BICC1: variants seen among roughly 807,000 people sequenced by gnomAD.
BICC1 encodes the protein protein bicaudal C homolog 1.
A neutral mutation model predicts 111.0 loss-of-function variants in BICC1; 43 were observed. That is an observed-to-expected ratio of 0.39 (90% CI 0.30 to 0.50). The LOEUF (loss-of-function observed/expected upper bound fraction) is 0.50. BICC1 is among the 20% of genes least tolerant of loss of function. The pLI, the probability that BICC1 is intolerant of heterozygous loss-of-function variation, is 0.88. For missense variants in BICC1, 1,091 were observed against 1,203.2 expected (o/e 0.91, Z 1.38); for synonymous variants, 467 against 434.4 (o/e 1.07, Z -0.93).
At chr10:58,753,664 A>C (rs1315742898) in intron 3 of BICC1, among the ~76,000 whole-genome samples, 2 of 151,810 alleles carry the variant, frequency 1.3e-5, no homozygotes, top group African/African-American at 4.8e-5. Flanking sequence ...GCCACTTGTT[A>C]GCTAAGTTGG....
intron 1 of BICC1, among the ~76,000 whole-genome samples, chr10:58,615,138 C>A (rs2393455): frequency 0.49 from 74,478 of 151,656 alleles, 19,328 homozygotes; most frequent in Admixed American, 0.64. Flanking sequence ...TGGGTGTTCG[C>A]TTTAGCTAGG....
At chr10:58,607,068 G>A (rs1012254756) in intron 1 of BICC1, among the ~76,000 whole-genome samples, 8 of 152,060 alleles carry the variant, frequency 5.3e-5, no homozygotes, top group African/African-American at 1.7e-4. Flanking sequence ...TGTAATTCCA[G>A]CACTTTGGGA....
chr10:58,743,355 A>G (rs1316347990), intron 3 of BICC1, among the ~76,000 whole-genome samples: 4 of 152,058 alleles, frequency 2.6e-5, no homozygotes, highest in South Asian at 2.1e-4. Context: ...TTTATCTTGT[A>G]GGCCAATGAA....
intron 2 of BICC1, among the ~76,000 whole-genome samples, chr10:58,656,248 A>G (rs1564535106): frequency 6.6e-6 from 1 of 151,540 alleles, no homozygotes; most frequent in African/African-American, 2.4e-5. Flanking sequence ...AGATGGATTC[A>G]CAGCCGAATT....
chr10:58,695,554 T>G (rs539507478), intron 2 of BICC1, among the ~76,000 whole-genome samples: 1 of 152,298 alleles, frequency 6.6e-6, no homozygotes, highest in African/African-American at 2.4e-5. Flanking sequence ...GGTCCAAGAA[T>G]AAATATTTTT....
chr10:58,732,379 GTATATATATA>G (rs1163026692), intron 3 of BICC1, among the ~76,000 whole-genome samples: 29 of 75,776 alleles, frequency 3.8e-4, no homozygotes, highest in African/African-American at 1.1e-3. Flanking sequence ...GTGTGTGTAT[GTATATATATA>G]TATATATATA....
chr10:58,718,896 GT>G (rs1840848782), intron 3 of BICC1, among the ~76,000 whole-genome samples: 1 of 152,148 alleles, frequency 6.6e-6, no homozygotes, highest in Admixed American at 6.5e-5. Flanking sequence ...TTTTCTTGGT[GT>G]AACAGAAAGA....
At chr10:58,623,320 T>C (rs1457750808) in intron 2 of BICC1, among the ~76,000 whole-genome samples, 1 of 152,178 alleles carries the variant, frequency 6.6e-6, no homozygotes, top group African/African-American at 2.4e-5. Flanking sequence ...GATAATAAGA[T>C]TGTGAAACAT....
intron 17 of BICC1, among the ~76,000 whole-genome samples, chr10:58,810,942 G>A (rs1843883438): frequency 6.6e-6 from 1 of 152,152 alleles, no homozygotes; most frequent in African/African-American, 2.4e-5. Flanking sequence ...GGGACCAAAT[G>A]TTTCCTGCTG....
At chr10:58,552,854 GT>G (rs1467434794) in intron 1 of BICC1, among the ~76,000 whole-genome samples, 1 of 152,074 alleles carries the variant, frequency 6.6e-6, no homozygotes, top group African/African-American at 2.4e-5. Context: ...TCCTTGTGAC[GT>G]TTTTTAAACA....
intron 2 of BICC1, among the ~76,000 whole-genome samples, chr10:58,647,285 A>G (rs1838298861): frequency 1.3e-5 from 2 of 152,340 alleles, no homozygotes; most frequent in South Asian, 4.1e-4. Flanking sequence ...GCCTATAGTA[A>G]CTATTGAAAA....
intron 1 of BICC1, among the ~76,000 whole-genome samples, chr10:58,567,755 T>C (rs1425727139): frequency 6.6e-6 from 1 of 152,020 alleles, no homozygotes; most frequent in African/African-American, 2.4e-5. Flanking sequence ...ACTTATAATA[T>C]AGCATTTATA....
In BICC1 at chr10:58,641,345, C is replaced by G. The variant is rs955405358; in HGVS notation, c.237+20444C>G. Reference sequence around the variant, plus strand: ...GGCAACACTTGCATTGTGGTTTTGCCGTCGTGCCCTTGCTTCATGTTGGAA... The same window carrying G: ...GGCAACACTTGCATTGTGGTTTTGCGGTCGTGCCCTTGCTTCATGTTGGAA... On this transcript the variant is annotated intron_variant, in intron 2 of 20. Coordinates refer to ENST00000373886, the MANE Select transcript of BICC1 (RefSeq NM_001080512.3). 3.3e-5 allele frequency among the ~76,000 whole-genome samples: 5 copies of G among 152,144 alleles called. No homozygotes were observed. The South Asian group carries it at 1.0e-3, about 32-fold the overall frequency.
At chr10:58,558,062 CT>C (rs1843502376) in intron 1 of BICC1, among the ~76,000 whole-genome samples, 2 of 152,046 alleles carry the variant, frequency 1.3e-5, no homozygotes, top group African/African-American at 4.8e-5. Flanking sequence ...GTTTTACCTC[CT>C]ACTGAGGCAA....
At chr10:58,611,872 T>C (rs1845436138) in intron 1 of BICC1, among the ~76,000 whole-genome samples, 1 of 152,166 alleles carries the variant, frequency 6.6e-6, no homozygotes, top group African/African-American at 2.4e-5. Flanking sequence ...AATAAAACAA[T>C]ATTTAAGAAA....
intron 3 of BICC1, among the ~76,000 whole-genome samples, chr10:58,750,192 A>G (rs913029263): frequency 1.3e-5 from 2 of 152,166 alleles, no homozygotes; most frequent in African/African-American, 4.8e-5. Context: ...GCAGGAGTAG[A>G]AAAATGGTAG....
intron 3 of BICC1, among the ~76,000 whole-genome samples, chr10:58,776,092 T>C (rs1014777283): frequency 4.6e-5 from 7 of 152,238 alleles, no homozygotes; most frequent in African/African-American, 1.7e-4. Flanking sequence ...GTACCTGTAA[T>C]TGTTCCTTGA....
At chr10:58,715,515 G>A in intron 3 of BICC1, 1 of 1,242,988 alleles carries the variant, frequency 8.0e-7, no homozygotes. Context: ...CTCTGGCCTG[G>A]TTTCCCTCGG....
chr10:58,667,783 A>G (rs1161125834), intron 2 of BICC1, among the ~76,000 whole-genome samples: 1 of 152,104 alleles, frequency 6.6e-6, no homozygotes, highest in African/African-American at 2.4e-5. Context: ...ACATATCTAT[A>G]TGAACTAATA....
Sources: allele counts gnomAD v4.1 joint callset (sites outside exome capture counted in the v4.1 genomes callset), GRCh38; gene constraint gnomAD v4.1.1; transcripts MANE v1.5; gene names NCBI Gene and HGNC (gene_info 2026-07-23, HGNC 2026-07-21).